The following SYNE2 variants were observed in gnomAD, a reference collection of about 807,000 sequenced individuals.
SYNE2 encodes nesprin-2.
A neutral mutation model predicts 856.3 loss-of-function variants in SYNE2; 431 were observed. That is an observed-to-expected ratio of 0.50 (90% CI 0.47 to 0.55). SYNE2 has a LOEUF of 0.55. Among genes scored for constraint, SYNE2 ranks in the 20% least tolerant of loss-of-function variants. The probability of loss-of-function intolerance (pLI) is 0.00; values close to 1 mark genes in which losing one functional copy is unlikely to be tolerated. For synonymous variants in SYNE2, 2,923 were observed against 2,872.3 expected, an observed-to-expected ratio of 1.02 and a Z score of -0.56; for missense variants, 8,129 against 8,023.2, an observed-to-expected ratio of 1.01 and a Z score of -0.50.
chr14:64,090,631 GT>G (rs1193996290), intron 59 of SYNE2, among the ~76,000 whole-genome samples: 2 of 152,188 alleles, frequency 1.3e-5, no homozygotes, highest in African/African-American at 4.8e-5. Context: ...GGAAGAAAAA[GT>G]TGTCCAAATG....
chr14:64,218,121 G>T, intron 108 of SYNE2: 1 of 407,452 alleles, frequency 2.5e-6, no homozygotes, highest in Non-Finnish European at 4.6e-6. Context: ...GGGGTGTTTG[G>T]AAGCATGCCA....
chr14:64,127,958 A>AAGAGAGATCTAAGATGTATTTAC (rs2097965908), intron 73 of SYNE2, among the ~76,000 whole-genome samples: 1 of 152,228 alleles, frequency 6.6e-6, no homozygotes. Context: ...TCTGCAGGTT[A>AAGAGAGATCTAAGATGTATTTAC]AGAGAGATCT....
At chr14:63,883,669 T>C (rs1419502474) in intron 1 of SYNE2, among the ~76,000 whole-genome samples, 1 of 152,202 alleles carries the variant, frequency 6.6e-6, no homozygotes, top group Non-Finnish European at 1.5e-5. Flanking sequence ...ATTGTACTGT[T>C]GATGTGAGGA....
chr14:64,055,987 A>C lies in SYNE2; in HGVS notation c.9788A>C (p.Glu3263Ala), dbSNP rs2097265809. The part of the protein sequence containing the change: ...DAYENLTRYK[E>A]AVTRAVESIT... ...TATGAAAATCTAACACGCTATAAAG[A>C]AGCAGTCACCAGGGCAGTGGAGAGC... The change falls in exon 49 of 116, where the codon GAA becomes GCA. Residue 3263 changes from glutamate to alanine, a missense_variant. Coordinates refer to ENST00000555002, the MANE Select transcript of SYNE2 (RefSeq NM_182914.3). 1.2e-6 allele frequency: 2 copies of C among 1,614,074 alleles called. No individual in the cohort carries two copies. The highest frequency in any genetic ancestry group is 3.3e-5 in the Admixed American group (2 of 60,020).
At chr14:63,803,173 C>A (rs1294753845) in intron 1 of SYNE2, among the ~76,000 whole-genome samples, 1 of 152,230 alleles carries the variant, frequency 6.6e-6, no homozygotes, top group Non-Finnish European at 1.5e-5. Context: ...TCCACCTCCC[C>A]ACCAGACTCA....
At chr14:63,927,535 C>T (rs1168204059) in intron 2 of SYNE2, among the ~76,000 whole-genome samples, 1 of 152,122 alleles carries the variant, frequency 6.6e-6, no homozygotes, top group Non-Finnish European at 1.5e-5. Flanking sequence ...CTCATGAGAT[C>T]TGATGTTTTT....
intron 2 of SYNE2, among the ~76,000 whole-genome samples, chr14:63,936,029 C>T (rs977265656): frequency 6.6e-6 from 1 of 152,142 alleles, no homozygotes; most frequent in Non-Finnish European, 1.5e-5. Context: ...TGCCCACCAC[C>T]ATGCCTGGCT....
At chr14:64,034,425 A>AC in intron 45 of SYNE2, 1 of 442,982 alleles carries the variant, frequency 2.3e-6, no homozygotes, top group Non-Finnish European at 4.0e-6. Context: ...TTTTAAATAG[A>AC]CCCCAGAAGA....
At chr14:64,035,605 T>C (rs1305000097) in intron 45 of SYNE2, among the ~76,000 whole-genome samples, 1 of 150,232 alleles carries the variant, frequency 6.7e-6, no homozygotes, top group African/African-American at 2.4e-5. Context: ...AAAAAGACCT[T>C]AGAAATTGTC....
At chr14:63,795,017 T>C (rs2149677) in intron 1 of SYNE2, among the ~76,000 whole-genome samples, 96,143 of 152,056 alleles carry the variant, frequency 0.63, 30,865 homozygotes, top group South Asian at 0.75. Context: ...GTGATCCTCC[T>C]ACCTCAGCCT....
chr14:63,916,663 A>G (rs939395387), intron 2 of SYNE2, among the ~76,000 whole-genome samples: 3 of 152,200 alleles, frequency 2.0e-5, no homozygotes, highest in African/African-American at 7.2e-5. Context: ...CAGGCAGTGA[A>G]GTGTGTCTAT....
At chr14:64,186,609 T>C (rs558508639) in intron 97 of SYNE2, 30 bp downstream of exon 97, 1 of 1,613,700 alleles carries the variant, frequency 6.2e-7, no homozygotes, top group Admixed American at 1.7e-5. Context: ...GGCACGGCTG[T>C]TTGGGAGTGG....
chr14:63,763,383 T>C (rs1456859863), intron 1 of SYNE2, among the ~76,000 whole-genome samples: 1 of 152,194 alleles, frequency 6.6e-6, no homozygotes, highest in African/African-American at 2.4e-5. Context: ...CTGAATCATT[T>C]ATACTTTATT....
At chr14:64,225,261 T>C in intron 115 of SYNE2, 58 bp from the exon 116 acceptor site, 6 of 1,613,164 alleles carry the variant, frequency 3.7e-6, no homozygotes, top group Admixed American at 1.7e-5. Context: ...GCTTAGGTAA[T>C]AGAGTGGGTT....
rs757741988 is a variant in SYNE2 at position 64,075,997 on chromosome 14, A to C, written c.10919A>C (p.Glu3640Ala). 2 of 1,613,988 alleles carry C rather than the reference A, an allele frequency of 1.2e-6. No homozygotes were observed. The highest frequency in any genetic ancestry group is 4.5e-5 in the East Asian group (2 of 44,848). Residue 3640 changes from glutamate to alanine, a missense_variant, in exon 54 of 116, where the codon GAA becomes GCA. Transcript: ENST00000555002. Reference protein sequence around the residue: ...KGKLTFENIMEKLRIKYSEMY... With the variant: ...KGKLTFENIMAKLRIKYSEMY... ...AAACTAACTTTTGAGAATATTATGG[A>C]AAAACTGCGAATCAAGTATTCCGAA...
intron 1 of SYNE2, among the ~76,000 whole-genome samples, chr14:63,859,707 T>C (rs1268516639): frequency 1.3e-5 from 2 of 152,128 alleles, no homozygotes; most frequent in African/African-American, 4.8e-5. Context: ...TTCCAGCTAC[T>C]TGGGAGGCTG....
chr14:64,097,491 A>G (rs2097686814), intron 61 of SYNE2, among the ~76,000 whole-genome samples: 2 of 152,240 alleles, frequency 1.3e-5, no homozygotes, highest in Non-Finnish European at 2.9e-5. Flanking sequence ...TCCTGGGGAC[A>G]TGCATTTTTA....
Position 64,168,980 on chromosome 14 carries a change from T to C in SYNE2, c.17000+9T>C. 1.9e-6 allele frequency: 3 copies of C among 1,608,114 alleles called. No individual in the cohort carries two copies. Among genetic ancestry groups the C allele is most frequent in the Non-Finnish European group, 1.7e-6 (2 of 1,174,558 alleles). The stretch of plus-strand genomic sequence containing the variant: ...ACAGAAATAGAGAACAGGTGAGCTG[T>C]CTGGGCCTCATGAAGGTTGTGGGCG... On this transcript the variant is annotated intron_variant, in intron 93 of 115. Transcript: ENST00000555002.
intron 1 of SYNE2, among the ~76,000 whole-genome samples, chr14:63,800,184 A>G (rs1164573633): frequency 6.6e-6 from 1 of 152,136 alleles, no homozygotes. Flanking sequence ...GATGAAAGGC[A>G]ATTAGTCTCT....
Sources: allele counts gnomAD v4.1 joint callset (sites outside exome capture counted in the v4.1 genomes callset), GRCh38; gene constraint gnomAD v4.1.1; transcripts MANE v1.5; gene names NCBI Gene and HGNC (gene_info 2026-07-23, HGNC 2026-07-21).